Variants in UPP2 observed in about 807,000 individuals in gnomAD.
The protein encoded by UPP2 is uridine phosphorylase 2, also known as UPase 2.
UPP2 carries 23 observed loss-of-function variants against 26.7 expected under a neutral mutation model. The observed-to-expected ratio is 0.86, with a 90% CI of 0.62 to 1.22. The LOEUF is 1.22. UPP2 is among the 50% of genes most tolerant of loss of function. The probability of loss-of-function intolerance (pLI) is 0.00; values close to 1 mark genes in which losing one functional copy is unlikely to be tolerated. For missense variants in UPP2, 387 were observed against 396.7 expected (o/e 0.98, Z 0.21); for synonymous variants, 127 against 141.3 (o/e 0.90, Z 0.72).
At chr2:158,039,897 G>T (rs971634756) in intron 3 of UPP2, among the ~76,000 whole-genome samples, 1 of 152,246 alleles carries the variant, frequency 6.6e-6, no homozygotes, top group Admixed American at 6.5e-5. Context: ...GGCCCCAGGG[G>T]AGGGGTGCTG....
intron 3 of UPP2, among the ~76,000 whole-genome samples, chr2:158,047,384 G>C (rs535827895): frequency 6.6e-6 from 1 of 152,296 alleles, no homozygotes; most frequent in South Asian, 2.1e-4. Context: ...GGTGGCTACT[G>C]GTTTACTTGA....
intron 3 of UPP2, among the ~76,000 whole-genome samples, chr2:158,042,325 T>A (rs1023701569): frequency 6.6e-6 from 1 of 152,106 alleles, no homozygotes; most frequent in Non-Finnish European, 1.5e-5. Context: ...CCCCCCTCGC[T>A]TTTTTTCCTG....
chr2:158,116,741 G>GA (rs757057909), intron 3 of UPP2, among the ~76,000 whole-genome samples: 1 of 152,228 alleles, frequency 6.6e-6, no homozygotes, highest in East Asian at 1.9e-4. Context: ...TTGCAGGTAA[G>GA]AAAAAATAAT....
At chr2:158,029,381 T>C (rs1308508594) in intron 3 of UPP2, among the ~76,000 whole-genome samples, 1 of 152,266 alleles carries the variant, frequency 6.6e-6, no homozygotes, top group Non-Finnish European at 1.5e-5. Context: ...CACATTGTAA[T>C]ATCACTTTAG....
intron 4 of UPP2, among the ~76,000 whole-genome samples, chr2:158,118,811 T>G (rs1394647729): frequency 2.0e-5 from 3 of 151,924 alleles, no homozygotes; most frequent in Non-Finnish European, 4.4e-5. Context: ...CTCACACAAG[T>G]AGGTGGAGAA....
chr2:158,113,033 C>A (rs768881354), intron 2 of UPP2, among the ~76,000 whole-genome samples: 6 of 152,152 alleles, frequency 3.9e-5, no homozygotes, highest in Non-Finnish European at 7.3e-5. Context: ...CTCATTAAAG[C>A]AGCCAGACCG....
chr2:158,099,649 A>G (rs1162119206), upstream of UPP2, among the ~76,000 whole-genome samples: 1 of 152,218 alleles, frequency 6.6e-6, no homozygotes, highest in African/African-American at 2.4e-5. Context: ...GCAGGGAAAG[A>G]GCACAAAAGC....
intron 2 of UPP2, among the ~76,000 whole-genome samples, chr2:158,002,906 T>C (rs991640360): frequency 2.0e-5 from 3 of 152,316 alleles, no homozygotes; most frequent in Admixed American, 2.0e-4. Context: ...GGTACAATTT[T>C]TTTTTTTCCT....
chr2:158,060,667 T>A (rs1353771052), intron 3 of UPP2, among the ~76,000 whole-genome samples: 1 of 152,202 alleles, frequency 6.6e-6, no homozygotes, highest in African/African-American at 2.4e-5. Context: ...AATGAGATAG[T>A]ATCTGGAGAT....
chr2:158,034,682 T>C lies in UPP2; in HGVS notation c.147+18796T>C, dbSNP rs535597817. On this transcript the variant is annotated intron_variant, in intron 3 of 9. Coordinates refer to the UPP2 transcript ENST00000605860. ...CCTATAAATCTGGACTAATTACGCA[T>C]AGTGAATGAAAAGGAAGAGATTGTT... Among the ~76,000 whole-genome samples, 12 of 152,288 alleles carry C rather than the reference T, an allele frequency of 7.9e-5. No individual in the cohort carries two copies. In the East Asian group the frequency reaches 2.1e-3, roughly 27 times the overall value.
At position 158,106,151 on chromosome 2, in the gene UPP2, A is replaced by G; in HGVS notation, c.115A>G (p.Ile39Val). 6.2e-7 allele frequency: 1 copy of G among 1,609,436 alleles called. No homozygotes were observed. The highest frequency in any genetic ancestry group is 1.3e-5 in the African/African-American group (1 of 74,750). The change falls in exon 2 of 7, where the codon ATT (isoleucine) becomes GTT (valine). Residue 39 changes from isoleucine to valine, a missense_variant. By Grantham distance (29) the Ile-to-Val change is conservative. Coordinates refer to ENST00000005756, the MANE Select transcript of UPP2 (RefSeq NM_173355.4). Reference protein sequence around the residue: ...NPYLDLMDEDILYHLDLGTKT... With the variant: ...NPYLDLMDEDVLYHLDLGTKT... ...TTACTTGGATTTGATGGATGAAGAC[A>G]TTCTCTATCACTTGGATTTGGGAAC...
At chr2:158,044,006 A>C (rs1167669876) in intron 3 of UPP2, among the ~76,000 whole-genome samples, 1 of 152,208 alleles carries the variant, frequency 6.6e-6, no homozygotes, top group East Asian at 1.9e-4. Flanking sequence ...CTGGGAAGGC[A>C]CTTGGCCCAT....
At chr2:158,092,461 A>G (rs987576913) in intron 3 of UPP2, among the ~76,000 whole-genome samples, 1 of 152,222 alleles carries the variant, frequency 6.6e-6, no homozygotes, top group African/African-American at 2.4e-5. Context: ...GCTGAGGGAA[A>G]ATCACTGGCA....
chr2:158,014,207 A>C (rs964783069), intron 2 of UPP2, among the ~76,000 whole-genome samples: 16 of 152,226 alleles, frequency 1.1e-4, no homozygotes, highest in African/African-American at 3.6e-4. Flanking sequence ...TGCCATCAGA[A>C]AGAGCCAGGC....
At chr2:158,126,334 C>T (rs1175176404) in intron 6 of UPP2, 1 of 152,282 alleles carries the variant, frequency 6.6e-6, no homozygotes, top group Non-Finnish European at 1.5e-5. Context: ...TAGCTCTCCC[C>T]CAGGCCACTG....
intron 6 of UPP2, among the ~76,000 whole-genome samples, chr2:158,128,726 T>C (rs1335195743): frequency 6.6e-6 from 1 of 152,154 alleles, no homozygotes; most frequent in African/African-American, 2.4e-5. Context: ...GTTCATAGTC[T>C]CTGGACGGAA....
intron 3 of UPP2, among the ~76,000 whole-genome samples, chr2:158,030,987 C>A (rs976319763): frequency 1.3e-5 from 2 of 152,088 alleles, no homozygotes; most frequent in Admixed American, 1.3e-4. Flanking sequence ...CAGTCAGTTC[C>A]CTCAACTTTC....
chr2:158,047,506 G>C (rs985671365), intron 3 of UPP2, among the ~76,000 whole-genome samples: 5 of 152,178 alleles, frequency 3.3e-5, no homozygotes, highest in African/African-American at 1.2e-4. Context: ...TTAAACCCGG[G>C]CATTGTTCTC....
intron 1 of UPP2, among the ~76,000 whole-genome samples, chr2:158,105,523 C>T (rs528947556): frequency 1.3e-5 from 2 of 152,288 alleles, no homozygotes; most frequent in South Asian, 4.1e-4. Context: ...CTCACTGAAT[C>T]AGAATTTCCA....
Sources: gnomAD v4.1 joint callset for allele counts (sites outside exome capture counted in the v4.1 genomes callset) on GRCh38, gnomAD v4.1.1 for gene constraint, MANE v1.5 for transcripts, NCBI Gene and HGNC (gene_info 2026-07-23, HGNC 2026-07-21) for gene names.